C1orf87: variants seen among roughly 807,000 people sequenced by gnomAD.
The protein encoded by C1orf87 is uncharacterized protein C1orf87.
Under a neutral mutation model 60.5 loss-of-function variants are expected in C1orf87, and 58 were observed. The ratio of observed to expected loss-of-function variants is 0.96; its 90% confidence interval spans 0.78 to 1.19. C1orf87 has a LOEUF of 1.19. Ranked by LOEUF, C1orf87 falls within the 50% of genes most tolerant of loss-of-function variation. The pLI is 0.00. For missense variants in C1orf87, 673 were observed against 638.6 expected (o/e 1.05, Z -0.58); for synonymous variants, 236 against 227.4 (o/e 1.04, Z -0.34).
chr1:60,072,021 C>T (rs183519743), intron 2 of C1orf87, among the ~76,000 whole-genome samples: 1 of 152,098 alleles, frequency 6.6e-6, no homozygotes, highest in Non-Finnish European at 1.5e-5. Flanking sequence ...AGTGTCATCT[C>T]TTAAATGTGA....
chr1:60,062,654 A>G (rs1645505124), intron 2 of C1orf87, among the ~76,000 whole-genome samples: 2 of 152,068 alleles, frequency 1.3e-5, no homozygotes, highest in African/African-American at 4.8e-5. Flanking sequence ...TCTATTGCCA[A>G]TTATTGAAAT....
intron 9 of C1orf87, 145 bp from the exon 10 acceptor site, chr1:60,001,301 C>T: frequency 2.0e-6 from 1 of 494,814 alleles, no homozygotes; most frequent in Non-Finnish European, 3.3e-6. Flanking sequence ...GTAATGGGAA[C>T]ACTCTGATGA....
chr1:60,068,623 G>T (rs2100336617), intron 2 of C1orf87, among the ~76,000 whole-genome samples: 1 of 152,284 alleles, frequency 6.6e-6, no homozygotes, highest in East Asian at 1.9e-4. Context: ...AACACATACT[G>T]TCTTTATCAT....
intron 5 of C1orf87, among the ~76,000 whole-genome samples, chr1:60,039,039 C>A (rs147160207): frequency 1.3e-5 from 2 of 152,282 alleles, no homozygotes; most frequent in African/African-American, 4.8e-5. Flanking sequence ...ATAACTAATT[C>A]TATTAGTTTG....
At chr1:60,016,181 GC>G (rs1645122964) in intron 8 of C1orf87, among the ~76,000 whole-genome samples, 1 of 152,176 alleles carries the variant, frequency 6.6e-6, no homozygotes. Flanking sequence ...AGTCAAAGAA[GC>G]CTAACTTTTG....
At chr1:60,030,236 T>C (rs914414762) in intron 7 of C1orf87, among the ~76,000 whole-genome samples, 2 of 152,232 alleles carry the variant, frequency 1.3e-5, no homozygotes, top group Admixed American at 1.3e-4. Context: ...GGGTTAAATA[T>C]GCCATATTGA....
intron 9 of C1orf87, 111 bp from the exon 10 acceptor site, chr1:60,001,267 G>C: frequency 2.5e-6 from 2 of 800,220 alleles, no homozygotes; most frequent in Non-Finnish European, 3.7e-6. Flanking sequence ...TGGAGGCTTT[G>C]CTCTGTGGTT....
At chr1:60,002,957 C>A (rs1290304823) in intron 9 of C1orf87, among the ~76,000 whole-genome samples, 1 of 151,586 alleles carries the variant, frequency 6.6e-6, no homozygotes, top group Non-Finnish European at 1.5e-5. Flanking sequence ...TTGACCCAGC[C>A]ATCCCATTAC....
rs989965983 is a variant in C1orf87, at chr1:60,066,147, G to T, written c.107+6390C>A. ...TCGATGATACCTGCTGACTAATGAG[G>T]TTGGTAGTTGCTGTAGGTTGCAGTG... On this transcript the variant is annotated intron_variant, in intron 2 of 11. Transcript: ENST00000371201. Among the ~76,000 whole-genome samples, 3 of 152,164 alleles carry T rather than the reference G, an allele frequency of 2.0e-5. No homozygotes were observed. The South Asian group carries it at 6.2e-4, about 32-fold the overall frequency.
intron 2 of C1orf87, among the ~76,000 whole-genome samples, chr1:60,069,389 T>C (rs373371760): frequency 2.6e-5 from 4 of 152,068 alleles, no homozygotes; most frequent in African/African-American, 9.7e-5. Context: ...GGACTACACA[T>C]TCAGGAGCAA....
intron 7 of C1orf87, among the ~76,000 whole-genome samples, chr1:60,027,163 G>A (rs928929082): frequency 3.3e-5 from 5 of 152,074 alleles, no homozygotes; most frequent in Admixed American, 2.6e-4. Flanking sequence ...TTCAGCCTTC[G>A]CAGGGCTTTG....
intron 2 of C1orf87, among the ~76,000 whole-genome samples, chr1:60,056,663 G>T (rs1205148303): frequency 6.6e-6 from 1 of 152,112 alleles, no homozygotes; most frequent in Non-Finnish European, 1.5e-5. Context: ...AGTATCTCCG[G>T]GTGGTAGAAC....
At chr1:60,034,337 A>C (rs1215885293) in intron 6 of C1orf87, among the ~76,000 whole-genome samples, 1 of 152,220 alleles carries the variant, frequency 6.6e-6, no homozygotes, top group Non-Finnish European at 1.5e-5. Flanking sequence ...CTGGTTTGAT[A>C]TGTTTACTTA....
At chr1:60,068,934 G>C (rs1007480401) in intron 2 of C1orf87, among the ~76,000 whole-genome samples, 1 of 151,966 alleles carries the variant, frequency 6.6e-6, no homozygotes. Context: ...CTTTAGATTT[G>C]GATTTATTTA....
intron 9 of C1orf87, among the ~76,000 whole-genome samples, chr1:60,005,524 T>G (rs1256644126): frequency 6.6e-6 from 1 of 152,044 alleles, no homozygotes; most frequent in African/African-American, 2.4e-5. Context: ...TTTAAAGAAG[T>G]GACATTTAAA....
intron 7 of C1orf87, among the ~76,000 whole-genome samples, chr1:60,031,969 G>A (rs2100284826): frequency 7.0e-6 from 1 of 143,660 alleles, no homozygotes; most frequent in Non-Finnish European, 1.5e-5. Context: ...ATGCTTGCAT[G>A]TATAATATTC....
At chr1:60,046,750 T>C (rs1038003729) in intron 3 of C1orf87, among the ~76,000 whole-genome samples, 3 of 152,190 alleles carry the variant, frequency 2.0e-5, no homozygotes, top group African/African-American at 7.2e-5. Context: ...TACATATTTT[T>C]AAAATGTCTA....
chr1:60,036,340 TCAAA>T (rs113124628), intron 6 of C1orf87, among the ~76,000 whole-genome samples: 59 of 152,208 alleles, frequency 3.9e-4, no homozygotes, highest in East Asian at 1.2e-3. Flanking sequence ...AAGGACATTT[TCAAA>T]CAAACAAACA....
At chr1:60,064,735 TAAATAG>T (rs1645527241) in intron 2 of C1orf87, among the ~76,000 whole-genome samples, 1 of 98,050 alleles carries the variant, frequency 1.0e-5, no homozygotes, top group Non-Finnish European at 1.8e-5. Flanking sequence ...TAAATATATT[TAAATAG>T]AATATTAAAT....
Sources: allele counts gnomAD v4.1 joint callset (sites outside exome capture counted in the v4.1 genomes callset), GRCh38; gene constraint gnomAD v4.1.1; transcripts MANE v1.5; gene names NCBI Gene and HGNC (gene_info 2026-07-23, HGNC 2026-07-21).